The following ONECUT2 variants were observed in gnomAD, a reference collection of about 807,000 sequenced individuals.
ONECUT2 encodes the protein one cut homeobox 2, also known as one cut domain family member 2.
ONECUT2 carries 10 observed loss-of-function variants against 27.9 expected under a neutral mutation model. The ratio of observed to expected loss-of-function variants is 0.36; its 90% CI spans 0.22 to 0.61. The LOEUF (loss-of-function observed/expected upper bound fraction) is 0.61. Ranked by LOEUF, ONECUT2 falls within the 20% of genes least tolerant of loss-of-function variation. ONECUT2 has a pLI of 0.73. For synonymous variants in ONECUT2, 334 were observed against 315.1 expected, an observed-to-expected ratio of 1.06 and a Z score of -0.64; for missense variants, 686 against 721.0, an observed-to-expected ratio of 0.95 and a Z score of 0.56.
Position 57,490,317 on chromosome 18 carries a change from G to A in ONECUT2, c.*13594G>A, listed in dbSNP as rs1349086083. 2 of 152,110 alleles carry A rather than the reference G, an allele frequency of 1.3e-5. No individual in the cohort carries two copies. The highest frequency in any genetic ancestry group is 6.5e-5 in the Admixed American group (1 of 15,274). 9.4% of individuals were successfully genotyped at this position (152,110 alleles called of 1,614,324 possible). A position where few individuals can be genotyped will look rare whatever the true frequency, so the allele number is the denominator to read the frequency against. ...TTCTCAGAATCCAAGTCAGTCCTGG[G>A]TCTTTTCTCACTTTAGACCCTGGCC... On this transcript the variant is annotated 3_prime_UTR_variant, in exon 2 of 2. Coordinates refer to ENST00000491143, the MANE Select transcript of ONECUT2 (RefSeq NM_004852.3).
rs1030383829 is a variant in ONECUT2, at chr18:57,484,991, G to A, written c.*8268G>A. On this transcript the variant is annotated 3_prime_UTR_variant, in exon 2 of 2. Coordinates refer to ENST00000491143, the MANE Select transcript of ONECUT2 (RefSeq NM_004852.3). ...CATTAGTACATAGTCACATATGGTC[G>A]GTTGCTTCGTGAAGGTGGCCTGTCT... 4.0e-5 allele frequency: 6 copies of A among 150,954 alleles called. No homozygotes were observed. Among genetic ancestry groups the A allele is most frequent in the Non-Finnish European group, 7.4e-5 (5 of 67,976 alleles). The allele number at this position is 150,954 out of a possible 1,614,324, so 9.4% of individuals were successfully genotyped here. A position where few individuals can be genotyped will look rare whatever the true frequency, so the allele number is the denominator to read the frequency against.
rs562384117 is a variant in ONECUT2, at chr18:57,480,737, G to A, written c.*4014G>A. The stretch of plus-strand genomic sequence containing the variant: ...ATACAGTTATGTATCAAAATTTTAA[G>A]CCCTGCAGAATTTCAATTTGTTAGA... On this transcript the variant is annotated 3_prime_UTR_variant, in exon 2 of 2. Transcript: ENST00000491143. 1 of 152,132 alleles carries A rather than the reference G, an allele frequency of 6.6e-6. No homozygotes were observed. The highest frequency in any genetic ancestry group is 2.4e-5 in the African/African-American group (1 of 41,484). The allele number at this position is 152,132 out of a possible 1,614,324, so 9.4% of individuals were successfully genotyped here.
chr18:57,441,648 C>T (rs2050174710), intron 1 of ONECUT2, among the ~76,000 whole-genome samples: 1 of 152,268 alleles, frequency 6.6e-6, no homozygotes, highest in Non-Finnish European at 1.5e-5. Context: ...CTGTGCTTGG[C>T]CGTTGCCACT....
intron 1 of ONECUT2, among the ~76,000 whole-genome samples, chr18:57,464,894 G>A (rs1022201244): frequency 2.0e-5 from 3 of 152,154 alleles, no homozygotes; most frequent in Non-Finnish European, 4.4e-5. Context: ...TAGTAAGCTA[G>A]AGTATGTCTT....
At chr18:57,448,569 G>T (rs920005012) in intron 1 of ONECUT2, among the ~76,000 whole-genome samples, 8 of 152,246 alleles carry the variant, frequency 5.3e-5, no homozygotes, top group Non-Finnish European at 1.2e-4. Flanking sequence ...TCTTCCAGCT[G>T]TGTAGTCTTC....
At chr18:57,447,142 C>G (rs1374319860) in intron 1 of ONECUT2, among the ~76,000 whole-genome samples, 2 of 152,246 alleles carry the variant, frequency 1.3e-5, no homozygotes, top group African/African-American at 4.8e-5. Flanking sequence ...AGCTAGACTT[C>G]GAGCCAGACT....
chr18:57,438,306 C>T (rs2050154934), intron 1 of ONECUT2, among the ~76,000 whole-genome samples: 1 of 152,298 alleles, frequency 6.6e-6, no homozygotes, highest in Admixed American at 6.5e-5. Flanking sequence ...TCCCATGGAT[C>T]GGGTGGAGGG....
chr18:57,435,974 C>T lies in ONECUT2; in HGVS notation c.258C>T (p.Thr86=), dbSNP rs920463017. The change falls in exon 1 of 2, where the codon ACC becomes ACT. Residue 86 remains threonine (T), a synonymous_variant. Transcript: ENST00000491143. ...TGCGGGGCCCTCCGCCGCCTCCAAC[C>T]GCGCACCAGGAGCTGGGCACGGCGG... is the stretch of plus-strand genomic sequence containing the variant. ...GSLRGPPPPP[T]AHQELGTAAA... 26 of 1,431,048 alleles carry T rather than the reference C, an allele frequency of 1.8e-5. No individual in the cohort carries two copies. The African/African-American group carries it at 2.8e-4, about 15-fold the overall frequency. The allele number at this position is 1,431,048 out of a possible 1,614,324, so 88.6% of individuals were successfully genotyped here. A position where few individuals can be genotyped will look rare whatever the true frequency, so the allele number is the denominator to read the frequency against.
At chr18:57,438,217 G>T (rs2050154236) in intron 1 of ONECUT2, among the ~76,000 whole-genome samples, 1 of 152,248 alleles carries the variant, frequency 6.6e-6, no homozygotes, top group South Asian at 2.1e-4. Flanking sequence ...AGCAAGCCAC[G>T]GGCCCAGAGG....
rs1162415309 is a variant in ONECUT2 at position 57,480,020 on chromosome 18, G to A, written c.*3297G>A. ...CAGTGGTGTTGGGTGGGATGGGGGA[G>A]AGTGTCTCAATCCTGAAGAGAAAAT... is the stretch of plus-strand genomic sequence containing the variant. On this transcript the variant is annotated 3_prime_UTR_variant, in exon 2 of 2. Coordinates refer to ENST00000491143, the MANE Select transcript of ONECUT2 (RefSeq NM_004852.3). 1 of 152,366 alleles carries A rather than the reference G, an allele frequency of 6.6e-6. No individual in the cohort carries two copies. Among genetic ancestry groups the A allele is most frequent in the Non-Finnish European group, 1.5e-5 (1 of 68,112 alleles). The allele number at this position is 152,366 out of a possible 1,614,324, so 9.4% of individuals were successfully genotyped here. A position where few individuals can be genotyped will look rare whatever the true frequency, so the allele number is the denominator to read the frequency against.
At chr18:57,472,889 C>G (rs1598943591) in intron 1 of ONECUT2, among the ~76,000 whole-genome samples, 1 of 152,124 alleles carries the variant, frequency 6.6e-6, no homozygotes, top group Non-Finnish European at 1.5e-5. Context: ...CGTGAATTGA[C>G]AGAGGACCTC....
rs1318849388 is a variant in ONECUT2 at position 57,480,419 on chromosome 18, G to A, written c.*3696G>A. 2 of 152,200 alleles carry A rather than the reference G, an allele frequency of 1.3e-5. No homozygotes were observed. Among genetic ancestry groups the A allele is most frequent in the Non-Finnish European group, 2.9e-5 (2 of 68,046 alleles). The allele number at this position is 152,200 out of a possible 1,614,324, so 9.4% of individuals were successfully genotyped here. Reference sequence around the variant, plus strand: ...CTGGATTGAGGAATGGAGCCTGTTTGATTTGGTTAGTGATTCTTTGACATA... The same window carrying A: ...CTGGATTGAGGAATGGAGCCTGTTTAATTTGGTTAGTGATTCTTTGACATA... On this transcript the variant is annotated 3_prime_UTR_variant, in exon 2 of 2. Coordinates refer to ENST00000491143, the MANE Select transcript of ONECUT2 (RefSeq NM_004852.3).
At position 57,476,523 on chromosome 18, in the gene ONECUT2, C is replaced by T; in HGVS notation, c.1315C>T (p.Arg439Ter). 1.9e-6 allele frequency: 3 copies of T among 1,614,180 alleles called. No homozygotes were observed. The highest frequency in any genetic ancestry group is 1.3e-5 in the African/African-American group (1 of 75,054). Residue 439 changes from arginine to a stop codon, truncating the protein, a stop_gained, in exon 2 of 2, where the codon CGA (arginine) becomes TGA (stop). Transcript: ENST00000491143. LOFTEE classifies it high-confidence loss of function. ...CCTGGTGTTCACTGACCTCCAACGCCGAACACTCTTCGCCATCTTCAAGGA... is the reference window on the plus strand; with the variant it reads ...CCTGGTGTTCACTGACCTCCAACGCTGAACACTCTTCGCCATCTTCAAGGA... ...SRLVFTDLQRRTLFAIFKENK... is the reference protein window; with the variant it reads ...SRLVFTDLQR
chr18:57,436,696 C>T lies in ONECUT2; in HGVS notation c.980C>T (p.Ser327Leu), dbSNP rs1237193226. The T allele has an allele frequency of 6.2e-7, 1 of 1,613,506 alleles. No individual in the cohort carries two copies. Among genetic ancestry groups the T allele is most frequent in the Non-Finnish European group, 8.5e-7 (1 of 1,179,994 alleles). ...SSSSGSQVATSGQLEEINTKE... is the reference protein window; with the variant it reads ...SSSSGSQVATLGQLEEINTKE... ...TCATCGGGCTCGCAGGTGGCCACGT[C>T]GGGCCAGCTGGAAGAAATCAACACC... Residue 327 changes from serine (S) to leucine (L), a missense_variant, in exon 1 of 2, where the codon TCG becomes TTG. By Grantham distance (145) the Ser-to-Leu change is moderately radical (BLOSUM62 -2). This residue lies in a region of ONECUT2 where 511 missense variants were observed against 488.1 expected (regional missense o/e 1.05). Coordinates refer to ENST00000491143, the MANE Select transcript of ONECUT2 (RefSeq NM_004852.3). The surrounding 1 kb of genome is among the most constrained non-coding windows in gnomAD (Gnocchi z 5.9).
At chr18:57,475,928 A>G (rs1364818574) in intron 1 of ONECUT2, among the ~76,000 whole-genome samples, 3 of 152,206 alleles carry the variant, frequency 2.0e-5, no homozygotes, top group Non-Finnish European at 2.9e-5. Flanking sequence ...TTCTAAATTC[A>G]TTCTGTTAAC....
intron 1 of ONECUT2, among the ~76,000 whole-genome samples, chr18:57,454,921 A>G (rs1403603738): frequency 6.6e-6 from 1 of 152,316 alleles, no homozygotes; most frequent in South Asian, 2.1e-4. Context: ...TCCATTTTGC[A>G]AGTGTGGTAT....
chr18:57,465,837 G>A (rs1027678920), intron 1 of ONECUT2, among the ~76,000 whole-genome samples: 1 of 152,232 alleles, frequency 6.6e-6, no homozygotes, highest in Non-Finnish European at 1.5e-5. Context: ...TAAATCGCCA[G>A]TTGATACACC....
chr18:57,436,222 A>T lies in ONECUT2; in HGVS notation c.506A>T (p.His169Leu). 6.2e-7 allele frequency: 1 copy of T among 1,603,530 alleles called. No homozygotes were observed. Among genetic ancestry groups the T allele is most frequent in the South Asian group, 1.1e-5 (1 of 90,246 alleles). ...PISTVSDKFH[H>L]PHPHHHPHHH... ...TCCACCGTGTCTGACAAGTTCCACC[A>T]CCCTCACCCGCACCACCATCCGCAC... The change falls in exon 1 of 2, where the codon CAC (histidine) becomes CTC (leucine). Residue 169 changes from histidine to leucine, a missense_variant. His to Leu is a moderately conservative substitution (Grantham distance 99). This residue lies in a region of ONECUT2 where 511 missense variants were observed against 488.1 expected (regional missense o/e 1.05). Coordinates refer to ENST00000491143, the MANE Select transcript of ONECUT2 (RefSeq NM_004852.3). This position sits in a 1 kb window ranked among gnomAD's most constrained non-coding sequence, Gnocchi z 5.9.
chr18:57,456,339 A>G (rs1375840061), intron 1 of ONECUT2, among the ~76,000 whole-genome samples: 3 of 152,242 alleles, frequency 2.0e-5, no homozygotes, highest in Non-Finnish European at 1.5e-5. Context: ...GCAACCCAAC[A>G]GTTCATCAAG....
Sources: gnomAD v4.1 joint callset for allele counts (sites outside exome capture counted in the v4.1 genomes callset) on GRCh38, gnomAD v4.1.1 for gene constraint, gnomAD v4.1.1 regional missense constraint, Gnocchi (gnomAD v3.1) non-coding constraint, MANE v1.5 for transcripts, NCBI Gene and HGNC (gene_info 2026-07-23, HGNC 2026-07-21) for gene names.